CDC42BPB: variants seen among roughly 807,000 people sequenced by gnomAD.
The protein encoded by CDC42BPB is serine/threonine-protein kinase MRCK beta.
In CDC42BPB, 37 loss-of-function variants were observed where a neutral mutation model predicts 214.9. The ratio of observed to expected loss-of-function variants is 0.17; its 90% CI spans 0.13 to 0.23. The LOEUF is 0.23. CDC42BPB is among the 10% of genes least tolerant of loss of function. CDC42BPB has a pLI of 1.00. For missense variants in CDC42BPB, 1,694 were observed against 2,227.0 expected (o/e 0.76, Z 4.82); for synonymous variants, 931 against 884.0 (o/e 1.05, Z -0.94).
intron 1 of CDC42BPB, among the ~76,000 whole-genome samples, chr14:103,053,092 G>A (rs556449016): frequency 6.6e-6 from 1 of 151,846 alleles, no homozygotes; most frequent in African/African-American, 2.4e-5. Context: ...GCTCACGCCT[G>A]TAATCCCAGC....
intron 5 of CDC42BPB, among the ~76,000 whole-genome samples, chr14:102,990,699 C>T (rs1228240016): frequency 6.6e-6 from 1 of 152,264 alleles, no homozygotes; most frequent in Non-Finnish European, 1.5e-5. Flanking sequence ...GGGCCTTGAG[C>T]TCTTCTGAGA....
intron 5 of CDC42BPB, among the ~76,000 whole-genome samples, chr14:102,992,115 G>C (rs928526834): frequency 8.5e-5 from 13 of 152,194 alleles, no homozygotes; most frequent in Admixed American, 6.5e-4. Context: ...GGGGGGATGA[G>C]GGGTGGTGAC....
At chr14:102,964,844 T>A in intron 18 of CDC42BPB, 194 bp from the exon 19 acceptor site, 1 of 765,980 alleles carries the variant, frequency 1.3e-6, no homozygotes, top group East Asian at 1.3e-4. Flanking sequence ...CTCAGAAATC[T>A]TCTAAAAAAT....
intron 26 of CDC42BPB, 79 bp from the exon 27 acceptor site, chr14:102,947,881 G>A: frequency 2.5e-6 from 4 of 1,600,562 alleles, no homozygotes; most frequent in Non-Finnish European, 3.4e-6. Flanking sequence ...GCCCTGCCCT[G>A]CCCTGCCATG....
intron 5 of CDC42BPB, among the ~76,000 whole-genome samples, chr14:102,997,317 C>T (rs1894784300): frequency 6.6e-6 from 1 of 152,162 alleles, no homozygotes; most frequent in Non-Finnish European, 1.5e-5. Context: ...GATAAAGCAC[C>T]AGTCACAGAC....
intron 20 of CDC42BPB, among the ~76,000 whole-genome samples, chr14:102,961,557 G>A (rs1424707090): frequency 2.0e-5 from 3 of 149,274 alleles, no homozygotes; most frequent in Admixed American, 1.3e-4. Context: ...TTAAGACAGC[G>A]TTTTGCTCTT....
chr14:103,022,642 G>A (rs1163524671), intron 1 of CDC42BPB, among the ~76,000 whole-genome samples: 1 of 152,166 alleles, frequency 6.6e-6, no homozygotes, highest in Non-Finnish European at 1.5e-5. Flanking sequence ...CATCACACTC[G>A]TCAACTGATC....
intron 4 of CDC42BPB, 64 bp from the exon 5 acceptor site, chr14:102,999,777 C>T (rs1475697299): frequency 1.3e-6 from 2 of 1,593,590 alleles, no homozygotes; most frequent in Non-Finnish European, 1.7e-6. Flanking sequence ...CTGACAGTTA[C>T]AGGCCAGTCT....
intron 5 of CDC42BPB, among the ~76,000 whole-genome samples, chr14:102,992,221 G>A (rs1360679274): frequency 1.3e-5 from 2 of 152,156 alleles, no homozygotes; most frequent in Admixed American, 6.5e-5. Context: ...TGCACCCCTC[G>A]GTTTGGGAGC....
Position 102,939,599 on chromosome 14 carries a change from C to T in CDC42BPB, c.4827+11G>A, listed in dbSNP as rs201739098. 1,388 of 1,597,442 alleles carry T rather than the reference C, an allele frequency of 8.7e-4. 3 individuals are homozygous for T. Among genetic ancestry groups the T allele is most frequent in the Non-Finnish European group, 1.1e-3 (1,278 of 1,164,854 alleles). On this transcript the variant is annotated intron_variant, in intron 34 of 36. Coordinates refer to ENST00000361246, the MANE Select transcript of CDC42BPB (RefSeq NM_006035.4). ...GGTGCCCTGCCCGCCCTATCCCGGCCGTGCACGCACCAGAGGCAGGTCCAT... is the reference window on the plus strand; with the variant it reads ...GGTGCCCTGCCCGCCCTATCCCGGCTGTGCACGCACCAGAGGCAGGTCCAT...
chr14:102,977,770 CT>C (rs1394389232), intron 9 of CDC42BPB, among the ~76,000 whole-genome samples: 6 of 152,096 alleles, frequency 3.9e-5, no homozygotes, highest in Admixed American at 3.9e-4. Flanking sequence ...TCTCACCCCC[CT>C]GGCCTCTGGG....
intron 1 of CDC42BPB, among the ~76,000 whole-genome samples, chr14:103,049,612 C>T (rs1334186480): frequency 6.6e-6 from 1 of 152,214 alleles, no homozygotes; most frequent in African/African-American, 2.4e-5. Flanking sequence ...AGTAGTACCG[C>T]TTAGTTTCCA....
intron 1 of CDC42BPB, among the ~76,000 whole-genome samples, chr14:103,019,481 T>A (rs1356934495): frequency 6.6e-6 from 1 of 152,184 alleles, no homozygotes; most frequent in Admixed American, 6.5e-5. Flanking sequence ...CCCGTCTTCC[T>A]CACCAGGCTC....
At position 102,944,269 on chromosome 14, in the gene CDC42BPB, G is replaced by C; in HGVS notation, c.4030C>G (p.Leu1344Val). The C allele has an allele frequency of 6.2e-7, 1 of 1,613,214 alleles. No homozygotes were observed. Residue 1344 changes from leucine (L) to valine (V), a missense_variant, in exon 30 of 37, where the codon CTG becomes GTG. Coordinates refer to ENST00000361246, the MANE Select transcript of CDC42BPB (RefSeq NM_006035.4). This position sits in a 1 kb window ranked among gnomAD's most constrained non-coding sequence, Gnocchi z 6.6. ...ATLKRNSGTCLFVAVKRLILC... is the reference protein window; with the variant it reads ...ATLKRNSGTCVFVAVKRLILC... ...ATCAGCCGTTTCACGGCCACAAACA[G>C]GCAGGTGCCAGAGTTCCTCTTGAGT...
At chr14:103,013,867 C>A (rs900838698) in intron 1 of CDC42BPB, among the ~76,000 whole-genome samples, 1 of 152,154 alleles carries the variant, frequency 6.6e-6, no homozygotes, top group African/African-American at 2.4e-5. Context: ...TTACATCCCC[C>A]ACAAGAAGCT....
At chr14:103,012,255 A>G (rs1886199686) in intron 1 of CDC42BPB, 67 bp from the exon 2 acceptor site, 10 of 1,501,836 alleles carry the variant, frequency 6.7e-6, no homozygotes. Flanking sequence ...AATTTAATTG[A>G]GTGGGGTGTT....
chr14:102,978,431 A>C, intron 8 of CDC42BPB: 2 of 690,534 alleles, frequency 2.9e-6, no homozygotes, highest in Non-Finnish European at 3.6e-6. Context: ...CAGGAGACAC[A>C]CTCTGATTTC....
chr14:102,947,197 T>C (rs34468732), intron 27 of CDC42BPB, among the ~76,000 whole-genome samples: 1,984 of 152,350 alleles, frequency 0.013, 18 homozygotes, highest in Non-Finnish European at 0.02. Flanking sequence ...GACTTAGTTT[T>C]GTTATCAAAA....
At chr14:103,003,204 G>A (rs1197342921) in intron 4 of CDC42BPB, among the ~76,000 whole-genome samples, 1 of 152,184 alleles carries the variant, frequency 6.6e-6, no homozygotes, top group Non-Finnish European at 1.5e-5. Context: ...TCCACCCAGA[G>A]CTCCAGCAGT....
Sources: allele counts gnomAD v4.1 joint callset (sites outside exome capture counted in the v4.1 genomes callset), GRCh38; gene constraint gnomAD v4.1.1; non-coding constraint Gnocchi (gnomAD v3.1); transcripts MANE v1.5; gene names NCBI Gene and HGNC (gene_info 2026-07-23, HGNC 2026-07-21).